Variants in MTA3 observed in about 807,000 individuals in gnomAD.
The protein encoded by MTA3 is metastasis associated 1 family member 3.
MTA3 carries 34 observed loss-of-function variants against 83.5 expected under a neutral mutation model. The observed-to-expected ratio is 0.41, with a 90% confidence interval of 0.31 to 0.54. The LOEUF (loss-of-function observed/expected upper bound fraction) is 0.54, where lower values mean the gene tolerates loss of function less well. Among genes scored for constraint, MTA3 ranks in the 20% least tolerant of loss-of-function variants. The pLI, the probability that MTA3 is intolerant of heterozygous loss-of-function variation, is 0.33. For synonymous variants in MTA3, 303 were observed against 252.7 expected, an observed-to-expected ratio of 1.20 and a Z score of -1.89; for missense variants, 761 against 726.4, an observed-to-expected ratio of 1.05 and a Z score of -0.55.
intron 6 of MTA3, among the ~76,000 whole-genome samples, chr2:42,644,702 A>G (rs1230515784): frequency 6.6e-6 from 1 of 152,192 alleles, no homozygotes; most frequent in African/African-American, 2.4e-5. Flanking sequence ...TTCTTGAAAC[A>G]TTTCAAACCT....
intron 3 of MTA3, among the ~76,000 whole-genome samples, chr2:42,600,402 G>C (rs1682413757): frequency 6.6e-6 from 1 of 151,930 alleles, no homozygotes; most frequent in Non-Finnish European, 1.5e-5. Flanking sequence ...TTTTGTCCAT[G>C]GTAGACTATT....
At chr2:42,631,888 C>T (rs978498124) in intron 4 of MTA3, among the ~76,000 whole-genome samples, 11 of 151,916 alleles carry the variant, frequency 7.2e-5, no homozygotes, top group Non-Finnish European at 1.3e-4. Flanking sequence ...TGGGGTAGCA[C>T]CATGTTGGCC....
chr2:42,606,703 C>G (rs1473335629), intron 3 of MTA3, among the ~76,000 whole-genome samples: 3 of 151,600 alleles, frequency 2.0e-5, no homozygotes, highest in Non-Finnish European at 4.4e-5. Flanking sequence ...GCTGCAATCT[C>G]GGCACTTTGG....
chr2:42,655,183 C>T (rs1236585078), intron 6 of MTA3, among the ~76,000 whole-genome samples: 1 of 152,178 alleles, frequency 6.6e-6, no homozygotes, highest in African/African-American at 2.4e-5. Context: ...CTGCTCTTGT[C>T]ACTCCCTTAC....
At chr2:42,715,656 ATCC>A (rs761652118) in intron 14 of MTA3, among the ~76,000 whole-genome samples, 25 of 152,324 alleles carry the variant, frequency 1.6e-4, no homozygotes, top group African/African-American at 3.8e-4. Context: ...CATATAATTA[ATCC>A]TCCTATTTTT....
chr2:42,536,585 C>T (rs1572942565), intron 2 of MTA3, among the ~76,000 whole-genome samples: 1 of 152,094 alleles, frequency 6.6e-6, no homozygotes, highest in South Asian at 2.1e-4. Context: ...GGAGGCTGGG[C>T]GTGGTGGCTC....
At chr2:42,571,426 A>G (rs939647594) in intron 2 of MTA3, among the ~76,000 whole-genome samples, 1 of 148,802 alleles carries the variant, frequency 6.7e-6, no homozygotes, top group African/African-American at 2.5e-5. Context: ...GATTTTAGAG[A>G]GTTATGCACG....
chr2:42,554,319 A>G (rs866706381), intron 2 of MTA3, among the ~76,000 whole-genome samples: 13 of 152,178 alleles, frequency 8.5e-5, no homozygotes, highest in Non-Finnish European at 1.8e-4. Context: ...GAGTCCCAGA[A>G]CTCCGTTTCA....
intron 9 of MTA3, among the ~76,000 whole-genome samples, chr2:42,692,875 G>C (rs988974514): frequency 1.3e-5 from 2 of 152,212 alleles, no homozygotes; most frequent in African/African-American, 4.8e-5. Flanking sequence ...TGAAGAGTTA[G>C]GTATTTACTG....
chr2:42,551,600 A>G (rs1162156480), intron 2 of MTA3, among the ~76,000 whole-genome samples: 1 of 152,194 alleles, frequency 6.6e-6, no homozygotes, highest in Non-Finnish European at 1.5e-5. Flanking sequence ...TGGGAAAAAC[A>G]TATTGTAAGT....
At chr2:42,747,564 C>G (rs1669534614) in intron 16 of MTA3, among the ~76,000 whole-genome samples, 1 of 151,492 alleles carries the variant, frequency 6.6e-6, no homozygotes, top group South Asian at 2.1e-4. Context: ...GCTCTTGAAG[C>G]TTTAAGGTGC....
chr2:42,646,741 G>T (rs1408931319), intron 6 of MTA3, among the ~76,000 whole-genome samples: 1 of 152,172 alleles, frequency 6.6e-6, no homozygotes, highest in Non-Finnish European at 1.5e-5. Flanking sequence ...TCTTGAGATG[G>T]AATCTACTCC....
chr2:42,595,106 A>ATTTT (rs67598721), intron 3 of MTA3, among the ~76,000 whole-genome samples: 8,922 of 76,884 alleles, frequency 0.12, 1,490 homozygotes, highest in Non-Finnish European at 0.13. Context: ...CAGGAGCTTC[A>ATTTT]TTTTTTTTTT....
intron 3 of MTA3, among the ~76,000 whole-genome samples, chr2:42,607,094 GGGTAGAGGTAGAGGTAGAGGTA>G (rs1418320712): frequency 6.8e-6 from 1 of 147,680 alleles, no homozygotes; most frequent in Non-Finnish European, 1.5e-5. Context: ...GTAGGGGTAG[GGGTAGAGGTAGAGGTAGAGGTA>G]GGTAGAGGTA....
chr2:42,564,966 T>C (rs994020765), upstream of MTA3, among the ~76,000 whole-genome samples: 18 of 152,016 alleles, frequency 1.2e-4, no homozygotes, highest in Admixed American at 2.0e-4. Context: ...TTAGTAGAGA[T>C]GGGTTTTCAC....
chr2:42,535,115 G>C (rs572447531), intron 2 of MTA3, among the ~76,000 whole-genome samples: 1 of 152,070 alleles, frequency 6.6e-6, no homozygotes, highest in Non-Finnish European at 1.5e-5. Context: ...GGCTGGGCGC[G>C]GTGGCTCACG....
chr2:42,663,698 G>A (rs542291915), intron 8 of MTA3, among the ~76,000 whole-genome samples: 2 of 152,154 alleles, frequency 1.3e-5, no homozygotes, highest in African/African-American at 2.4e-5. Flanking sequence ...CAAGAAGTTC[G>A]AGGCTGCAGT....
At chr2:42,524,959 T>C (rs572950818) in intron 2 of MTA3, among the ~76,000 whole-genome samples, 121 of 60,338 alleles carry the variant, frequency 2.0e-3, no homozygotes, top group African/African-American at 3.3e-3. Context: ...GTGGGTCTCT[T>C]TTTTTTTTTT....
chr2:42,721,309 GTTCTTTTTCTTT>G lies in MTA3; in HGVS notation c.1613-1565_1613-1554del, dbSNP rs1363725918. On this transcript the variant is annotated intron_variant, in intron 15 of 16. Transcript: ENST00000405094. ...GCGTTGGGCACTTGGAGGAAGGACT[GTTCTTTTTCTTT>G]TTCTTTTTCTTTTTTTTTTTTTTTG... Among the ~76,000 whole-genome samples the G allele has an allele frequency of 9.8e-4, 147 of 150,258 alleles. 1 individual carries two copies. Among genetic ancestry groups the G allele is most frequent in the African/African-American group, 1.5e-4 (6 of 40,838 alleles).
Sources: allele counts gnomAD v4.1 joint callset (sites outside exome capture counted in the v4.1 genomes callset), GRCh38; gene constraint gnomAD v4.1.1; transcripts MANE v1.5; gene names NCBI Gene and HGNC (gene_info 2026-07-23, HGNC 2026-07-21).